Variants in MACF1 observed in about 807,000 individuals in gnomAD.
MACF1 encodes microtubule actin crosslinking factor 1, also known as microtubule-actin cross-linking factor 1.
In MACF1, 193 loss-of-function variants were observed where a neutral mutation model predicts 854.8. The ratio of observed to expected loss-of-function variants is 0.23; its 90% CI spans 0.20 to 0.25. The LOEUF is 0.25. MACF1 is among the 10% of genes least tolerant of loss of function. The pLI is 1.00. For synonymous variants in MACF1, 3,185 were observed against 3,226.7 expected (o/e 0.99, Z 0.44); for missense variants, 7,722 against 8,929.1 (o/e 0.86, Z 5.45).
In MACF1 at chr1:39,336,250, T is replaced by C. The variant is rs1046668524; in HGVS notation, c.9662T>C (p.Leu3221Pro). ...HHQGSKSDDKLCGTLKSEIAT... is the reference protein window; with the variant it reads ...HHQGSKSDDKPCGTLKSEIAT... ...CAGGGCAGCAAAAGTGATGATAAAC[T>C]TTGTGGAACTCTCAAATCTGAAATA... is the stretch of plus-strand genomic sequence containing the variant. Residue 3221 changes from leucine to proline, a missense_variant, in exon 37 of 101, where the codon CTT becomes CCT. Around this residue, in one of 15 missense-constraint regions of MACF1, gnomAD observed 854 missense variants for 852.6 expected, o/e 1.00. Transcript: ENST00000564288. The C allele has an allele frequency of 6.2e-7, 1 of 1,613,958 alleles. No individual in the cohort carries two copies. Among genetic ancestry groups the C allele is most frequent in the Admixed American group, 1.7e-5 (1 of 59,988 alleles).
chr1:39,411,575 A>C, intron 58 of MACF1: 2 of 1,613,830 alleles, frequency 1.2e-6, no homozygotes, highest in Non-Finnish European at 1.7e-6. Flanking sequence ...AGAACTGCTC[A>C]GGGGTTAGAG....
In MACF1 at chr1:39,300,368, G is replaced by A. The variant is rs745733654; in HGVS notation, c.2634+6G>A. ...GTGACTACAGGCAGATCGAGGTGAGGAGGTAGAAAGGGTACCTCTGGGCCA... is the reference window on the plus strand; with the variant it reads ...GTGACTACAGGCAGATCGAGGTGAGAAGGTAGAAAGGGTACCTCTGGGCCA... On this transcript the variant is annotated splice_donor_region_variant and intron_variant, in intron 22 of 100. Transcript: ENST00000564288. 9 of 1,613,126 alleles carry A rather than the reference G, an allele frequency of 5.6e-6. No homozygotes were observed. The highest frequency in any genetic ancestry group is 5.3e-5 in the African/African-American group (4 of 74,856).
At chr1:39,411,996 T>C (rs1339522122) in intron 58 of MACF1, 1 of 1,613,850 alleles carries the variant, frequency 6.2e-7, no homozygotes, top group African/African-American at 1.3e-5. Flanking sequence ...AAGTGCCTTT[T>C]AGCCCCAGGA....
At chr1:39,274,276 C>T (rs1357408168) in intron 6 of MACF1, among the ~76,000 whole-genome samples, 1 of 151,040 alleles carries the variant, frequency 6.6e-6, no homozygotes, top group Admixed American at 6.6e-5. Flanking sequence ...GAAAGTTAGG[C>T]AAAATAAGTT....
At position 39,361,967 on chromosome 1, in the gene MACF1, T is replaced by C. The variant is rs188572934; in HGVS notation, c.12771+290T>C. Among the ~76,000 whole-genome samples, 406 of 152,338 alleles carry C rather than the reference T, an allele frequency of 2.7e-3. 2 individuals are homozygous for C. Among genetic ancestry groups the C allele is most frequent in the African/African-American group, 9.5e-3 (393 of 41,582 alleles). On this transcript the variant is annotated intron_variant, in intron 49 of 100. Transcript: ENST00000564288. The stretch of plus-strand genomic sequence containing the variant: ...GATTGATGGAGATTTCATCCTGATA[T>C]AAGCTTTCATGATTACTGCCTCAGT...
intron 6 of MACF1, among the ~76,000 whole-genome samples, chr1:39,281,984 TA>T (rs1645556959): frequency 6.6e-6 from 1 of 152,170 alleles, no homozygotes; most frequent in African/African-American, 2.4e-5. Flanking sequence ...ATAATATCAT[TA>T]AAAACAAACA....
rs1233712071 is a variant in MACF1, at chr1:39,288,130, G to A, written c.1785+568G>A. Among the ~76,000 whole-genome samples the A allele has an allele frequency of 2.0e-5, 3 of 152,062 alleles. No homozygotes were observed. In the East Asian group the frequency reaches 5.8e-4, roughly 29 times the overall value. On this transcript the variant is annotated intron_variant, in intron 15 of 100. Coordinates refer to ENST00000564288, the MANE Select transcript of MACF1 (RefSeq NM_001394062.1). ...ATAATAATCACATCATGGAAAATGA[G>A]GTATCCGTCATCTCAGGAAATTTAT...
intron 2 of MACF1, among the ~76,000 whole-genome samples, chr1:39,148,446 T>C (rs1643510279): frequency 6.6e-6 from 1 of 152,200 alleles, no homozygotes; most frequent in Non-Finnish European, 1.5e-5. Context: ...AATAAAAATA[T>C]AAAATTAAAG....
intron 2 of MACF1, among the ~76,000 whole-genome samples, chr1:39,158,374 GCCT>G: frequency 6.6e-6 from 1 of 152,288 alleles, no homozygotes; most frequent in South Asian, 2.1e-4. Flanking sequence ...GATATGCAGT[GCCT>G]CCTCTGTTGT....
At chr1:39,404,165 A>G (rs28575391) in intron 58 of MACF1, among the ~76,000 whole-genome samples, 13 of 139,924 alleles carry the variant, frequency 9.3e-5, no homozygotes, top group African/African-American at 2.8e-4. Flanking sequence ...AAATAAATAA[A>G]TAAATAAATA....
chr1:39,190,395 G>GTTTTTTTTTTTTTTTTTT (rs750262685), intron 2 of MACF1, among the ~76,000 whole-genome samples: 2 of 79,038 alleles, frequency 2.5e-5, no homozygotes, highest in Non-Finnish European at 4.7e-5. Flanking sequence ...GTGTGTGTTT[G>GTTTTTTTTTTTTTTTTTT]TTTTTGTTTT....
chr1:39,425,974 A>G (rs1452723257), intron 61 of MACF1, among the ~76,000 whole-genome samples: 1 of 152,198 alleles, frequency 6.6e-6, no homozygotes, highest in Non-Finnish European at 1.5e-5. Context: ...AAATAACAAG[A>G]GTAGATATTT....
At chr1:39,416,611 A>C (rs78615508) in intron 58 of MACF1, among the ~76,000 whole-genome samples, 3,024 of 152,354 alleles carry the variant, frequency 0.02, 109 homozygotes, top group African/African-American at 0.07. Flanking sequence ...AAGTCATAGA[A>C]ATCCTGTATC....
At chr1:39,441,907 A>C (rs1378606740) in intron 74 of MACF1, 45 bp from the exon 75 acceptor site, 1 of 1,433,634 alleles carries the variant, frequency 7.0e-7, no homozygotes, top group Non-Finnish European at 9.8e-7. Flanking sequence ...TTCTCTCCCA[A>C]ATTCTTCTGG....
At chr1:39,108,590 A>G (rs1280792589) in intron 2 of MACF1, among the ~76,000 whole-genome samples, 1 of 146,784 alleles carries the variant, frequency 6.8e-6, no homozygotes, top group Non-Finnish European at 1.5e-5. Flanking sequence ...CACTCACTGC[A>G]AGCTCTGCCT....
intron 2 of MACF1, among the ~76,000 whole-genome samples, chr1:39,098,866 CCAGAGCGGATTTGGGAA>C (rs1571035568): frequency 6.6e-6 from 1 of 152,152 alleles, no homozygotes; most frequent in Non-Finnish European, 1.5e-5. Flanking sequence ...GCTTCTTACC[CCAGAGCGGATTTGGGAA>C]CTTGAGGCAA....
intron 89 of MACF1, among the ~76,000 whole-genome samples, chr1:39,456,412 A>G (rs1644440349): frequency 6.6e-6 from 1 of 152,222 alleles, no homozygotes; most frequent in Non-Finnish European, 1.5e-5. Flanking sequence ...TTATTATAAA[A>G]TAGGCTTTGA....
intron 23 of MACF1, 74 bp from the exon 24 acceptor site, chr1:39,309,496 T>G: frequency 3.8e-6 from 6 of 1,562,964 alleles, no homozygotes; most frequent in Middle Eastern, 1.7e-4. Flanking sequence ...GGCAATCACA[T>G]TTTTCCTTAG....
Position 39,331,842 on chromosome 1 carries a change from G to T in MACF1, c.5254G>T (p.Val1752Phe). 1 of 1,614,164 alleles carries T rather than the reference G, an allele frequency of 6.2e-7. No homozygotes were observed. The highest frequency in any genetic ancestry group is 1.1e-5 in the South Asian group (1 of 91,074). Residue 1752 changes from valine to phenylalanine, a missense_variant, in exon 37 of 101, where the codon GTT (valine) becomes TTT (phenylalanine). By Grantham distance (50) the Val-to-Phe change is conservative (BLOSUM62 -1). Coordinates refer to ENST00000564288, the MANE Select transcript of MACF1 (RefSeq NM_001394062.1). Reference sequence around the variant, plus strand: ...CCGGAAGGTTAGCATTTTCCGTGCAGTTCAGGAAGGGCTAATAGATAGGCA... The same window carrying T: ...CCGGAAGGTTAGCATTTTCCGTGCATTTCAGGAAGGGCTAATAGATAGGCA... Reference protein sequence around the residue: ...SGRKVSIFRAVQEGLIDRQVT... With the variant: ...SGRKVSIFRAFQEGLIDRQVT...
Sources: gnomAD v4.1 joint callset for allele counts (sites outside exome capture counted in the v4.1 genomes callset) on GRCh38, gnomAD v4.1.1 for gene constraint, gnomAD v4.1.1 regional missense constraint, MANE v1.5 for transcripts, NCBI Gene and HGNC (gene_info 2026-07-23, HGNC 2026-07-21) for gene names.